NAV3: variants seen among roughly 807,000 people sequenced by gnomAD.
NAV3 encodes pore membrane and/or filament interacting like protein 1.
A neutral mutation model predicts 244.7 loss-of-function variants in NAV3; 87 were observed. The observed-to-expected ratio is 0.36, with a 90% CI of 0.30 to 0.42. The LOEUF (loss-of-function observed/expected upper bound fraction) is 0.42, where lower values mean the gene tolerates loss of function less well. Ranked by LOEUF, NAV3 falls within the 20% of genes least tolerant of loss-of-function variation. The pLI, the probability that NAV3 is intolerant of heterozygous loss-of-function variation, is 1.00. For missense variants in NAV3, 2,663 were observed against 2,893.3 expected, an observed-to-expected ratio of 0.92 and a Z score of 1.83; for synonymous variants, 1,126 against 1,042.2, an observed-to-expected ratio of 1.08 and a Z score of -1.55.
At position 78,190,006 on chromosome 12, in the gene NAV3, C is replaced by G; in HGVS notation, c.6078C>G (p.Asp2026Glu). 5 of 1,612,472 alleles carry G rather than the reference C, an allele frequency of 3.1e-6. No individual in the cohort carries two copies. The highest frequency in any genetic ancestry group is 4.2e-6 in the Non-Finnish European group (5 of 1,179,096). ...NLKGVEENSL[D>E]SFVFDTLIPK... Reference sequence around the variant, plus strand: ...CAGGGGTAGAAGAAAATAGTTTGGACAGTTTTGTTTTTGATACGCTGATTC... The same window carrying G: ...CAGGGGTAGAAGAAAATAGTTTGGAGAGTTTTGTTTTTGATACGCTGATTC... Residue 2026 changes from aspartate to glutamate, a missense_variant, in exon 34 of 40, where the codon GAC becomes GAG. Coordinates refer to ENST00000397909, the MANE Select transcript of NAV3 (RefSeq NM_001024383.2).
At chr12:77,845,540 C>G (rs879857543) in intron 1 of NAV3, among the ~76,000 whole-genome samples, 23 of 151,932 alleles carry the variant, frequency 1.5e-4, no homozygotes, top group Admixed American at 1.5e-3. Context: ...ATTAAAAAAC[C>G]AATGTGGAAT....
intron 2 of NAV3, among the ~76,000 whole-genome samples, chr12:77,803,011 A>G (rs1871792599): frequency 6.6e-6 from 1 of 152,110 alleles, no homozygotes; most frequent in Non-Finnish European, 1.5e-5. Flanking sequence ...TTTAAAAGGG[A>G]ACATCTATTA....
intron 2 of NAV3, among the ~76,000 whole-genome samples, chr12:77,700,967 C>T (rs1391785757): frequency 1.3e-5 from 2 of 151,262 alleles, no homozygotes; most frequent in East Asian, 3.9e-4. Flanking sequence ...TCTAATATTT[C>T]ATTAAACAAT....
intron 38 of NAV3, among the ~76,000 whole-genome samples, chr12:78,202,055 AC>A (rs1959764484): frequency 6.6e-6 from 1 of 151,950 alleles, no homozygotes; most frequent in African/African-American, 2.4e-5. Flanking sequence ...GATTTAAATA[AC>A]CAAATTTAAC....
chr12:77,808,037 G>A (rs571082122), intron 2 of NAV3, among the ~76,000 whole-genome samples: 8 of 152,214 alleles, frequency 5.3e-5, no homozygotes, highest in African/African-American at 1.7e-4. Flanking sequence ...GGTCATTTAT[G>A]TTCTTCTCTC....
intron 1 of NAV3, among the ~76,000 whole-genome samples, chr12:77,865,853 C>T (rs1339707354): frequency 6.6e-6 from 1 of 151,474 alleles, no homozygotes; most frequent in Non-Finnish European, 1.5e-5. Context: ...CTGAAACAAA[C>T]TTTGCCATTT....
chr12:77,873,679 G>GTATATA (rs200152687), intron 1 of NAV3, among the ~76,000 whole-genome samples: 4 of 107,286 alleles, frequency 3.7e-5, no homozygotes, highest in South Asian at 3.5e-4. Context: ...ATTTGTATGT[G>GTATATA]TATATATATA....
chr12:77,961,452 A>T (rs1158775291), intron 3 of NAV3, among the ~76,000 whole-genome samples: 1 of 118,840 alleles, frequency 8.4e-6, no homozygotes, highest in Non-Finnish European at 1.6e-5. Context: ...TACATGTAAT[A>T]TATGTATATA....
chr12:77,614,599 A>G (rs1308945912), intron 2 of NAV3, among the ~76,000 whole-genome samples: 6 of 152,284 alleles, frequency 3.9e-5, no homozygotes, highest in African/African-American at 1.2e-4. Context: ...CATATGAGGT[A>G]GTGTTCACTT....
At chr12:78,179,797 ACT>A in intron 29 of NAV3, 115 bp downstream of exon 29, 1 of 1,179,884 alleles carries the variant, frequency 8.5e-7, no homozygotes, top group Non-Finnish European at 1.2e-6. Context: ...TTAGAAATGT[ACT>A]CTGTTTATTC....
At chr12:78,129,057 C>T (rs1399954589) in intron 18 of NAV3, among the ~76,000 whole-genome samples, 191 bp downstream of exon 18, 4 of 152,136 alleles carry the variant, frequency 2.6e-5, no homozygotes, top group Non-Finnish European at 5.9e-5. Context: ...CTATTTATTG[C>T]TCATGACAAA....
chr12:77,796,388 A>G (rs1871407402), intron 2 of NAV3, among the ~76,000 whole-genome samples: 1 of 152,238 alleles, frequency 6.6e-6, no homozygotes, highest in Non-Finnish European at 1.5e-5. Context: ...ATCTCATGAT[A>G]AAACATAAAC....
chr12:78,120,655 A>T (rs1955629320), intron 15 of NAV3, among the ~76,000 whole-genome samples: 1 of 152,176 alleles, frequency 6.6e-6, no homozygotes, highest in African/African-American at 2.4e-5. Context: ...GCTCTAAGAT[A>T]TCACTGTTTT....
chr12:77,673,002 G>A (rs1874054849), intron 2 of NAV3, among the ~76,000 whole-genome samples: 1 of 152,042 alleles, frequency 6.6e-6, no homozygotes. Flanking sequence ...TTCGTGATAT[G>A]TATTTGTACA....
chr12:77,844,007 G>A (rs775372339), intron 1 of NAV3, among the ~76,000 whole-genome samples: 39 of 152,294 alleles, frequency 2.6e-4, no homozygotes, highest in Admixed American at 5.9e-4. Context: ...GCTAGGGGTC[G>A]TCCACACATT....
intron 2 of NAV3, among the ~76,000 whole-genome samples, chr12:77,755,212 A>G (rs1179882994): frequency 6.6e-6 from 1 of 152,050 alleles, no homozygotes; most frequent in Non-Finnish European, 1.5e-5. Flanking sequence ...AACAAAGACT[A>G]TTTCTGAAAT....
chr12:77,623,981 A>G (rs1462452629), intron 2 of NAV3, among the ~76,000 whole-genome samples: 3 of 152,222 alleles, frequency 2.0e-5, no homozygotes, highest in African/African-American at 4.8e-5. Context: ...TTAAGTATCC[A>G]TTGTGTGTCA....
intron 1 of NAV3, among the ~76,000 whole-genome samples, chr12:77,894,605 G>T (rs1335937410): frequency 6.6e-6 from 1 of 152,092 alleles, no homozygotes; most frequent in African/African-American, 2.4e-5. Context: ...GAAAGAACTA[G>T]CCAGTAGCTA....
At chr12:77,786,175 C>G (rs1477099439) in intron 2 of NAV3, among the ~76,000 whole-genome samples, 1 of 152,078 alleles carries the variant, frequency 6.6e-6, no homozygotes, top group Non-Finnish European at 1.5e-5. Flanking sequence ...TTGAAAGTGT[C>G]TATTATATTA....
Sources: allele counts gnomAD v4.1 joint callset (sites outside exome capture counted in the v4.1 genomes callset), GRCh38; gene constraint gnomAD v4.1.1; transcripts MANE v1.5; gene names NCBI Gene and HGNC (gene_info 2026-07-23, HGNC 2026-07-21).